The following SFRP1 variants were observed in gnomAD, a reference collection of about 807,000 sequenced individuals.
SFRP1 encodes the protein secreted frizzled related protein 1, also known as secreted frizzled-related protein 1.
SFRP1 carries 9 observed loss-of-function variants against 25.9 expected under a neutral mutation model. That is an observed-to-expected ratio of 0.35 (90% confidence interval 0.21 to 0.61). The LOEUF is 0.61. Among genes scored for constraint, SFRP1 ranks in the 20% least tolerant of loss-of-function variants. The pLI, the probability that SFRP1 is intolerant of heterozygous loss-of-function variation, is 0.78. For missense variants in SFRP1, 346 were observed against 418.2 expected (o/e 0.83, Z 1.51); for synonymous variants, 178 against 174.0 (o/e 1.02, Z -0.18).
At position 41,309,379 on chromosome 8, in the gene SFRP1, G is replaced by A. The variant is rs1229285496; in HGVS notation, c.-220C>T. On this transcript the variant is annotated 5_prime_UTR_variant, in exon 1 of 3. Coordinates refer to ENST00000220772, the MANE Select transcript of SFRP1 (RefSeq NM_003012.5). ...GGGCGGGGAGGCGGCGCTGCGGGCT[G>A]GGTGCGCCCCGGCTCCCGGAGGTGC... The A allele has an allele frequency of 3.5e-6, 1 of 285,292 alleles. No individual in the cohort carries two copies. Among genetic ancestry groups the A allele is most frequent in the Non-Finnish European group, 5.8e-6 (1 of 173,910 alleles). The allele number at this position is 285,292 out of a possible 1,614,324, so 17.7% of individuals were successfully genotyped here.
intron 1 of SFRP1, 35 bp downstream of exon 1, chr8:41,308,581 G>A (rs1804027775): frequency 2.0e-6 from 3 of 1,504,070 alleles, no homozygotes; most frequent in East Asian, 4.7e-5. Flanking sequence ...GGGATGGAGG[G>A]GGCGGCTCGC....
intron 2 of SFRP1, among the ~76,000 whole-genome samples, chr8:41,289,932 G>A (rs566354066): frequency 1.5e-4 from 23 of 152,292 alleles, no homozygotes; most frequent in African/African-American, 5.3e-4. Context: ...AGTGACCCTC[G>A]GGCCTCACCA....
At chr8:41,303,356 AAT>A in intron 2 of SFRP1, 103 bp downstream of exon 2, 1 of 821,718 alleles carries the variant, frequency 1.2e-6, no homozygotes, top group Non-Finnish European at 2.1e-6. Flanking sequence ...TGAGGTAGAG[AAT>A]ATGGAAAGCT....
chr8:41,274,256 T>C (rs999406549), intron 2 of SFRP1, among the ~76,000 whole-genome samples: 3 of 152,172 alleles, frequency 2.0e-5, no homozygotes, highest in Non-Finnish European at 4.4e-5. Flanking sequence ...AGCCTAAAGC[T>C]CCATCAGCCC....
chr8:41,262,780 T>C lies in SFRP1; in HGVS notation c.*2387A>G, dbSNP rs973126055. 10 of 152,214 alleles carry C rather than the reference T, an allele frequency of 6.6e-5. No homozygotes were observed. The highest frequency in any genetic ancestry group is 1.5e-4 in the Non-Finnish European group (10 of 68,046). The allele number at this position is 152,214 out of a possible 1,614,324, so 9.4% of individuals were successfully genotyped here. ...TGTGGAGAAAAACAAAGGCTCGTGATAGTGCAGCTCTGTGCCTACAGAGAG... is the reference window on the plus strand; with the variant it reads ...TGTGGAGAAAAACAAAGGCTCGTGACAGTGCAGCTCTGTGCCTACAGAGAG... On this transcript the variant is annotated 3_prime_UTR_variant, in exon 3 of 3. Transcript: ENST00000220772.
intron 2 of SFRP1, among the ~76,000 whole-genome samples, chr8:41,285,569 A>G (rs990205895): frequency 3.3e-5 from 5 of 152,210 alleles, no homozygotes; most frequent in Non-Finnish European, 4.4e-5. Context: ...ATGCGGCTGC[A>G]GTAAGGCAGG....
rs146093511 is a variant in SFRP1 at position 41,303,401 on chromosome 8, G to A, written c.622+60C>T. ...GATACATCAGCAGGGCCTCCGTCTG[G>A]CAGAGGCACAGACCAGGAGGTTCCA... On this transcript the variant is annotated intron_variant, in intron 2 of 2. Transcript: ENST00000220772. 7,632 of 1,228,880 alleles carry A rather than the reference G, an allele frequency of 6.2e-3. 43 individuals are homozygous for A. The highest frequency in any genetic ancestry group is 0.023 in the Middle Eastern group (120 of 5,302). 76.1% of individuals were successfully genotyped at this position (1,228,880 alleles called of 1,614,324 possible).
At chr8:41,266,382 C>A (rs1457422099) in intron 2 of SFRP1, among the ~76,000 whole-genome samples, 1 of 152,172 alleles carries the variant, frequency 6.6e-6, no homozygotes, top group Non-Finnish European at 1.5e-5. Context: ...TCCACATGAT[C>A]TGATGCTATT....
intron 2 of SFRP1, among the ~76,000 whole-genome samples, chr8:41,272,950 C>T (rs1803529471): frequency 6.6e-6 from 1 of 152,100 alleles, no homozygotes; most frequent in South Asian, 2.1e-4. Context: ...ACATCTAATA[C>T]AAAGGATCAG....
At chr8:41,305,899 A>G (rs921655218) in intron 1 of SFRP1, among the ~76,000 whole-genome samples, 1 of 152,174 alleles carries the variant, frequency 6.6e-6, no homozygotes, top group East Asian at 1.9e-4. Flanking sequence ...AGGGAGCCCT[A>G]AGGAAGGCTT....
intron 2 of SFRP1, among the ~76,000 whole-genome samples, chr8:41,283,532 C>G (rs1317080386): frequency 6.6e-6 from 1 of 150,744 alleles, no homozygotes; most frequent in Non-Finnish European, 1.5e-5. Context: ...TCATTCAGAT[C>G]AACGCTATTT....
chr8:41,301,711 A>G (rs1348588783), intron 2 of SFRP1, among the ~76,000 whole-genome samples: 1 of 152,266 alleles, frequency 6.6e-6, no homozygotes, highest in Non-Finnish European at 1.5e-5. Flanking sequence ...TCTGAGGTCC[A>G]GGAGGAACCC....
chr8:41,308,650 C>A lies in SFRP1; in HGVS notation c.510G>T (p.Thr170=). Residue 170 remains threonine (T), a synonymous_variant, in exon 1 of 3, where the codon ACG becomes ACT. Coordinates refer to ENST00000220772, the MANE Select transcript of SFRP1 (RefSeq NM_003012.5). ...TGGAGGCTTCGGTGGCATTGGGCGG[C>A]GTCATGGCGATGCAGACGTCCCCCT... ...FPEGDVCIAM[T]PPNATEASKP... is the part of the protein sequence containing the mutation. 1 of 1,608,128 alleles carries A rather than the reference C, an allele frequency of 6.2e-7. No individual in the cohort carries two copies. Among genetic ancestry groups the A allele is most frequent in the Non-Finnish European group, 8.5e-7 (1 of 1,176,416 alleles).
chr8:41,303,313 T>A lies in SFRP1; in HGVS notation c.622+148A>T, dbSNP rs911027795. The A allele has an allele frequency of 7.6e-6, 5 of 661,694 alleles. No homozygotes were observed. In the Admixed American group the frequency reaches 1.1e-4, roughly 15 times the overall value. The allele number at this position is 661,694 out of a possible 1,614,324, so 41.0% of individuals were successfully genotyped here. Reference sequence around the variant, plus strand: ...GTTCTGGACCCTGTCTAGTCTCCCATCTGCCTGAGAAAAGCAGCCATTTGG... The same window carrying A: ...GTTCTGGACCCTGTCTAGTCTCCCAACTGCCTGAGAAAAGCAGCCATTTGG... On this transcript the variant is annotated intron_variant, in intron 2 of 2. Coordinates refer to ENST00000220772, the MANE Select transcript of SFRP1 (RefSeq NM_003012.5).
At chr8:41,266,739 T>C (rs188612828) in intron 2 of SFRP1, among the ~76,000 whole-genome samples, 38 of 152,288 alleles carry the variant, frequency 2.5e-4, no homozygotes, top group African/African-American at 9.1e-4. Flanking sequence ...GGGTTTCTTT[T>C]TGTTTGGTTT....
intron 1 of SFRP1, chr8:41,306,929 G>A (rs1434187883): frequency 4.5e-6 from 7 of 1,554,484 alleles, no homozygotes; most frequent in Non-Finnish European, 5.2e-6. Flanking sequence ...ATCCCCCCAT[G>A]TTCCCTGTGG....
chr8:41,306,175 AAAATGTC>A (rs1803993326), intron 1 of SFRP1, among the ~76,000 whole-genome samples: 1 of 151,992 alleles, frequency 6.6e-6, no homozygotes, highest in Non-Finnish European at 1.5e-5. Context: ...TTGCAGGGGA[AAAATGTC>A]AAGTCATTTC....
intron 1 of SFRP1, among the ~76,000 whole-genome samples, chr8:41,307,846 G>A (rs1392101824): frequency 6.6e-6 from 1 of 152,198 alleles, no homozygotes; most frequent in Non-Finnish European, 1.5e-5. Context: ...GCTCTCCCCG[G>A]GAGGAGATGA....
intron 1 of SFRP1, among the ~76,000 whole-genome samples, chr8:41,304,417 T>C (rs748472698): frequency 6.6e-5 from 10 of 150,504 alleles, no homozygotes; most frequent in Admixed American, 4.0e-4. Context: ...TTATCATCAT[T>C]GTCATCACCT....
Sources: allele counts gnomAD v4.1 joint callset (sites outside exome capture counted in the v4.1 genomes callset), GRCh38; gene constraint gnomAD v4.1.1; transcripts MANE v1.5; gene names NCBI Gene and HGNC (gene_info 2026-07-23, HGNC 2026-07-21).